BST1: variants seen among roughly 807,000 people sequenced by gnomAD.
BST1 encodes ADP-ribosyl cyclase/cyclic ADP-ribose hydrolase 2.
In BST1, 49 loss-of-function variants were observed where a neutral mutation model predicts 40.6. The observed-to-expected ratio is 1.21, with a 90% confidence interval of 0.96 to 1.53. BST1 has a LOEUF of 1.53. Ranked by LOEUF, BST1 falls within the 40% of genes most tolerant of loss-of-function variation. The probability of loss-of-function intolerance (pLI) is 0.00; values close to 1 mark genes in which losing one functional copy is unlikely to be tolerated. For synonymous variants in BST1, 157 were observed against 159.3 expected, an observed-to-expected ratio of 0.99 and a Z score of 0.11; for missense variants, 423 against 395.9, an observed-to-expected ratio of 1.07 and a Z score of -0.58.
the BST1 span, among the ~76,000 whole-genome samples, chr4:15,749,773 C>T: frequency 6.6e-6 from 1 of 152,040 alleles, no homozygotes; most frequent in Non-Finnish European, 1.5e-5. Context: ...GTGAAATAAG[C>T]ACATCATGAA....
the BST1 span, among the ~76,000 whole-genome samples, chr4:15,758,663 C>CCA: frequency 6.6e-6 from 1 of 152,240 alleles, no homozygotes; most frequent in Non-Finnish European, 1.5e-5. Flanking sequence ...CATATTCCTT[C>CCA]TGAGATTTTT....
chr4:15,773,582 C>T, the BST1 span, among the ~76,000 whole-genome samples: 1 of 152,290 alleles, frequency 6.6e-6, no homozygotes, highest in African/African-American at 2.4e-5. Context: ...GAGTGGATGG[C>T]CTGAATCCAG....
chr4:15,773,405 A>G, the BST1 span, among the ~76,000 whole-genome samples: 1 of 152,210 alleles, frequency 6.6e-6, no homozygotes, highest in South Asian at 2.1e-4. Context: ...CTATGAAAGC[A>G]CTCAAATGCA....
At chr4:15,751,002 C>G in the BST1 span, among the ~76,000 whole-genome samples, 1 of 152,236 alleles carries the variant, frequency 6.6e-6, no homozygotes, top group East Asian at 1.9e-4. Context: ...TTTCTATCCT[C>G]AAGTAGCTCT....
In BST1 at chr4:15,707,874, TACAC is replaced by T. The variant is rs749013024; in HGVS notation, c.451+230_451+233del. Among the ~76,000 whole-genome samples, 279 of 142,440 alleles carry T rather than the reference TACAC, an allele frequency of 2.0e-3. 2 individuals carry two copies. The highest frequency in any genetic ancestry group is 7.0e-3 in the African/African-American group (267 of 38,412). The allele number at this position is 142,440 out of a possible 152,430, so 93.4% of individuals were successfully genotyped here. On this transcript the variant is annotated intron_variant, in intron 3 of 8. Coordinates refer to ENST00000265016, the MANE Select transcript of BST1 (RefSeq NM_004334.3). ...CTCTCTCTATATATATATATATATA[TACAC>T]ATATATATACACATATATATACATA...
chr4:15,720,597 C>CT (rs1325462987), intron 7 of BST1, among the ~76,000 whole-genome samples: 2 of 137,068 alleles, frequency 1.5e-5, no homozygotes, highest in Admixed American at 7.4e-5. Context: ...AAGACTCTGT[C>CT]TCAAAAAAAA....
chr4:15,723,488 T>A, intron 8 of BST1: 1 of 886,020 alleles, frequency 1.1e-6, no homozygotes, highest in Non-Finnish European at 1.4e-6. Flanking sequence ...GGCCTTGTGA[T>A]CCGCCTTCCT....
chr4:15,729,853 G>A (rs1227922560), intron 8 of BST1, among the ~76,000 whole-genome samples: 2 of 152,106 alleles, frequency 1.3e-5, no homozygotes, highest in Non-Finnish European at 2.9e-5. Context: ...ATAGAAATAG[G>A]TCTGAGAAAG....
the BST1 span, among the ~76,000 whole-genome samples, chr4:15,749,041 C>A: frequency 6.6e-6 from 1 of 152,146 alleles, no homozygotes; most frequent in Non-Finnish European, 1.5e-5. Flanking sequence ...CTTAATCCTG[C>A]GGGGACCTTT....
chr4:15,737,768 A>G, downstream of BST1: 1 of 1,284,714 alleles, frequency 7.8e-7, no homozygotes, highest in Non-Finnish European at 1.0e-6. Context: ...GTAACAAGGT[A>G]CTTTCTGAAC....
At chr4:15,703,484 A>C in intron 1 of BST1, 152 bp downstream of exon 1, 1 of 1,329,926 alleles carries the variant, frequency 7.5e-7, no homozygotes, top group African/African-American at 1.6e-5. Flanking sequence ...GATGGTCCTG[A>C]ACGATGGGGG....
intron 8 of BST1, 75 bp downstream of exon 8, chr4:15,723,009 C>A: frequency 7.4e-7 from 1 of 1,360,360 alleles, no homozygotes; most frequent in Non-Finnish European, 1.1e-6. Flanking sequence ...AGTTCACAAA[C>A]ATGAACATAT....
intron 4 of BST1, among the ~76,000 whole-genome samples, chr4:15,713,525 T>C (rs1211812152): frequency 6.6e-6 from 1 of 152,032 alleles, no homozygotes; most frequent in Non-Finnish European, 1.5e-5. Context: ...GGCAGAGACT[T>C]TTAACACCCT....
chr4:15,718,792 T>C, intron 6 of BST1, 115 bp from the exon 7 acceptor site: 2 of 828,620 alleles, frequency 2.4e-6, no homozygotes, highest in South Asian at 3.7e-5. Flanking sequence ...GTTTTCTTTC[T>C]GAGAGTAGAA....
Position 15,707,596 on chromosome 4 carries a change from A to AC in BST1, c.401_402insC (p.Gly135TrpfsTer15). 1 of 1,614,088 alleles carries AC rather than the reference A, an allele frequency of 6.2e-7. No homozygotes were observed. Among genetic ancestry groups the AC allele is most frequent in the Non-Finnish European group, 8.5e-7 (1 of 1,180,004 alleles). ...TTTATGCCCCTGAGCGATGTTCTGT[A>AC]TGGCAGGGTTGCAGATTTCTTGAGC... On this transcript the variant is annotated frameshift_variant, in exon 3 of 9. Transcript: ENST00000265016. LOFTEE classifies it high-confidence loss of function.
chr4:15,751,991 T>C, the BST1 span, among the ~76,000 whole-genome samples: 2 of 152,162 alleles, frequency 1.3e-5, no homozygotes, highest in Non-Finnish European at 2.9e-5. Context: ...ATAAACATGC[T>C]AAGGAGATTT....
At chr4:15,738,140 G>T (rs1176638377) in exon 7 of BST1, 9 of 215,396 alleles carry the variant, frequency 4.2e-5, no homozygotes, top group Non-Finnish European at 7.7e-5. Flanking sequence ...TTCAATGTCG[G>T]TTCATTAGTT....
the BST1 span, among the ~76,000 whole-genome samples, chr4:15,745,809 G>C: frequency 6.6e-6 from 1 of 152,182 alleles, no homozygotes; most frequent in Non-Finnish European, 1.5e-5. Flanking sequence ...CCAAATCTTT[G>C]TAGGGTTTAT....
At chr4:15,712,995 C>G (rs1032535454) in intron 4 of BST1, among the ~76,000 whole-genome samples, 1 of 152,120 alleles carries the variant, frequency 6.6e-6, no homozygotes, top group African/African-American at 2.4e-5. Context: ...TGCCAGACTT[C>G]CAAGAGTGTG....
Sources: gnomAD v4.1 joint callset for allele counts (sites outside exome capture counted in the v4.1 genomes callset) on GRCh38, gnomAD v4.1.1 for gene constraint, MANE v1.5 for transcripts, NCBI Gene and HGNC (gene_info 2026-07-23, HGNC 2026-07-21) for gene names.